The following DYNC2I1 variants were observed in gnomAD, a reference collection of about 807,000 sequenced individuals.
DYNC2I1 encodes the protein cytoplasmic dynein 2 intermediate chain 1.
A neutral mutation model predicts 133.4 loss-of-function variants in DYNC2I1; 89 were observed. The ratio of observed to expected loss-of-function variants is 0.67; its 90% CI spans 0.56 to 0.80. DYNC2I1 has a LOEUF of 0.80. Among genes scored for constraint, DYNC2I1 ranks in the 30% least tolerant of loss-of-function variants. DYNC2I1 has a pLI of 0.00. For missense variants in DYNC2I1, 1,291 were observed against 1,314.5 expected (o/e 0.98, Z 0.28); for synonymous variants, 504 against 484.3 (o/e 1.04, Z -0.54).
intron 1 of DYNC2I1, among the ~76,000 whole-genome samples, chr7:158,861,331 C>A (rs771804714): frequency 1.3e-5 from 2 of 152,204 alleles, no homozygotes; most frequent in African/African-American, 4.8e-5. Context: ...GCAGACACAG[C>A]GAGCTTAATC....
At chr7:158,867,020 T>TTG in intron 1 of DYNC2I1, among the ~76,000 whole-genome samples, 1 of 61,244 alleles carries the variant, frequency 1.6e-5, no homozygotes, top group African/African-American at 7.2e-5. Context: ...CTAAATCTGT[T>TTG]TTTTTTTTTT....
chr7:158,889,294 G>A (rs1432826674), intron 7 of DYNC2I1, among the ~76,000 whole-genome samples: 1 of 151,514 alleles, frequency 6.6e-6, no homozygotes, highest in African/African-American at 2.4e-5. Context: ...GTTAGCCAGG[G>A]TGGTCTCGAT....
chr7:158,912,839 C>T (rs902311552), intron 12 of DYNC2I1, 146 bp from the exon 13 acceptor site: 16 of 573,936 alleles, frequency 2.8e-5, no homozygotes, highest in Non-Finnish European at 4.3e-5. Flanking sequence ...CTATATCGAA[C>T]GTTTAAGCAC....
At chr7:158,918,987 G>C in intron 15 of DYNC2I1, 118 bp downstream of exon 15, 1 of 1,120,478 alleles carries the variant, frequency 8.9e-7, no homozygotes, top group Non-Finnish European at 1.2e-6. Flanking sequence ...ACATAAAACT[G>C]AGAAAGACTG....
intron 3 of DYNC2I1, among the ~76,000 whole-genome samples, chr7:158,873,284 C>A (rs1291922652): frequency 1.3e-5 from 2 of 152,126 alleles, no homozygotes; most frequent in Non-Finnish European, 2.9e-5. Flanking sequence ...CAGAAGGAAT[C>A]TGTTAGAAGA....
At chr7:158,916,903 C>G (rs1318088772) in intron 14 of DYNC2I1, among the ~76,000 whole-genome samples, 1 of 79,150 alleles carries the variant, frequency 1.3e-5, no homozygotes, top group Non-Finnish European at 2.9e-5. Context: ...AACCTCGACA[C>G]GGTGGTTGAG....
chr7:158,953,265 T>G (rs1316619034), intron 4 of DYNC2I1, among the ~76,000 whole-genome samples: 63 of 133,508 alleles, frequency 4.7e-4, no homozygotes, highest in South Asian at 1.0e-3. Context: ...CTCTCCTGAA[T>G]TGAGTGACAC....
At chr7:158,915,261 T>A (rs1461804302) in intron 14 of DYNC2I1, among the ~76,000 whole-genome samples, 1 of 136,304 alleles carries the variant, frequency 7.3e-6, no homozygotes, top group Non-Finnish European at 1.7e-5. Flanking sequence ...TAAGAATGAT[T>A]GTGAAACCTC....
intron 4 of DYNC2I1, among the ~76,000 whole-genome samples, chr7:158,952,719 GAC>G (rs1431563164): frequency 6.6e-6 from 1 of 151,646 alleles, no homozygotes; most frequent in East Asian, 1.9e-4. Context: ...CGCATCGTAA[GAC>G]AGAGTCCGCA....
At chr7:158,854,878 G>A (rs1290695315), upstream of DYNC2I1, among the ~76,000 whole-genome samples, 1 of 152,202 alleles carries the variant, frequency 6.6e-6, no homozygotes, top group Non-Finnish European at 1.5e-5. Context: ...TTTAAGTGAG[G>A]ACACACATCT....
At chr7:158,958,494 G>GT (rs1015945459), downstream of DYNC2I1, among the ~76,000 whole-genome samples, 3 of 152,180 alleles carry the variant, frequency 2.0e-5, no homozygotes, top group Non-Finnish European at 2.9e-5. Flanking sequence ...GCATCTCCCC[G>GT]TTTTTGTCTC....
downstream of DYNC2I1, among the ~76,000 whole-genome samples, chr7:158,950,917 A>T (rs1290616765): frequency 1.3e-5 from 2 of 151,712 alleles, no homozygotes; most frequent in East Asian, 3.9e-4. Flanking sequence ...ATATGATTCC[A>T]GGTGTGATAT....
Position 158,861,225 on chromosome 7 carries a change from C to G in DYNC2I1, c.15+4475C>G, listed in dbSNP as rs551404859. On this transcript the variant is annotated intron_variant, in intron 1 of 24. Coordinates refer to ENST00000407559, the MANE Select transcript of DYNC2I1 (RefSeq NM_018051.5). ...TTGAGATGTCTCTAAATCTGCAATT[C>G]AGGAGTGTCTTTGAAAAGATATCAG... 5.3e-5 allele frequency among the ~76,000 whole-genome samples: 8 copies of G among 152,316 alleles called. No homozygotes were observed. The South Asian group carries it at 1.0e-3, about 20-fold the overall frequency.
Position 158,945,912 on chromosome 7 carries a change from A to G in DYNC2I1, c.*133A>G, listed in dbSNP as rs565234848. 2.1e-5 allele frequency: 19 copies of G among 889,460 alleles called. No homozygotes were observed. The South Asian group carries it at 4.0e-4, about 19-fold the overall frequency. 55.1% of individuals were successfully genotyped at this position (889,460 alleles called of 1,614,324 possible). A position where few individuals can be genotyped will look rare whatever the true frequency, so the allele number is the denominator to read the frequency against. ...ATATTCTGTATATAATTTATTTTAC[A>G]TGAATATGTCTTTGGTATTCCCAGT... On this transcript the variant is annotated 3_prime_UTR_variant, in exon 25 of 25. Coordinates refer to ENST00000407559, the MANE Select transcript of DYNC2I1 (RefSeq NM_018051.5). This position sits in a 1 kb window ranked among gnomAD's most constrained non-coding sequence, Gnocchi z 4.1.
intron 8 of DYNC2I1, 131 bp from the exon 9 acceptor site, chr7:158,901,608 T>TTTTA: frequency 1.6e-6 from 1 of 637,698 alleles, no homozygotes; most frequent in East Asian, 3.1e-5. Flanking sequence ...ATATTAGTTT[T>TTTTA]ACAAATACCT....
At chr7:158,842,134 T>C in the DYNC2I1 span, among the ~76,000 whole-genome samples, 2 of 152,242 alleles carry the variant, frequency 1.3e-5, no homozygotes, top group Non-Finnish European at 2.9e-5. Flanking sequence ...ATTCAAGCGA[T>C]TCTCCTGCCT....
chr7:158,907,588 C>G (rs926333215), intron 11 of DYNC2I1, among the ~76,000 whole-genome samples: 1 of 151,170 alleles, frequency 6.6e-6, no homozygotes, highest in African/African-American at 2.4e-5. Flanking sequence ...TTTCCGTTCC[C>G]TTTCCTTTCC....
At position 158,883,218 on chromosome 7, in the gene DYNC2I1, C is replaced by CT. The variant is rs201980757; in HGVS notation, c.880-1329dup. On this transcript the variant is annotated intron_variant, in intron 5 of 24. Transcript: ENST00000407559. Reference sequence around the variant, plus strand: ...TCTCTATATGATATTTTTTCTTCTTCTTTTTTTTTTTTTTTTTGAGATTGA... The same window carrying CT: ...TCTCTATATGATATTTTTTCTTCTTCTTTTTTTTTTTTTTTTTTGAGATTGA... Among the ~76,000 whole-genome samples the CT allele has an allele frequency of 4.7e-3, 633 of 134,372 alleles. 4 individuals carry two copies. Among genetic ancestry groups the CT allele is most frequent in the East Asian group, 0.015 (70 of 4,572 alleles). The allele number at this position is 134,372 out of a possible 152,430, so 88.2% of individuals were successfully genotyped here.
At chr7:158,905,755 G>T (rs1846733778) in intron 10 of DYNC2I1, among the ~76,000 whole-genome samples, 1 of 152,118 alleles carries the variant, frequency 6.6e-6, no homozygotes. Flanking sequence ...CTCTTTAATA[G>T]TGTGAGTGGC....
Sources: gnomAD v4.1 joint callset for allele counts (sites outside exome capture counted in the v4.1 genomes callset) on GRCh38, gnomAD v4.1.1 for gene constraint, Gnocchi (gnomAD v3.1) non-coding constraint, MANE v1.5 for transcripts, NCBI Gene and HGNC (gene_info 2026-07-23, HGNC 2026-07-21) for gene names.